PSPC1: variants seen among roughly 807,000 people sequenced by gnomAD.
PSPC1 encodes the protein paraspeckle protein 1.
A neutral mutation model predicts 51.6 loss-of-function variants in PSPC1; 14 were observed. The observed-to-expected ratio is 0.27, with a 90% CI of 0.18 to 0.42. The LOEUF is 0.42. Ranked by LOEUF, PSPC1 falls within the 10% of genes least tolerant of loss-of-function variation. The probability of loss-of-function intolerance (pLI) is 1.00; values close to 1 mark genes in which losing one functional copy is unlikely to be tolerated. For missense variants in PSPC1, 406 were observed against 701.1 expected (o/e 0.58, Z 4.75); for synonymous variants, 193 against 231.9 (o/e 0.83, Z 1.53).
At position 19,782,657 on chromosome 13, in the gene PSPC1, G is replaced by A. The variant is rs762096185; in HGVS notation, c.101C>T (p.Ala34Val). The A allele has an allele frequency of 1.9e-6, 3 of 1,550,602 alleles. No homozygotes were observed. The highest frequency in any genetic ancestry group is 1.9e-4 in the Middle Eastern group (1 of 5,272). ...GGCAAGAGCGAGCGCCATGGCTGCC[G>A]CGGCCGCCGGCTCGCTCTCGCCCAC... ...SAVGESEPAA[A>V]AAMALALAGE... Residue 34 changes from alanine to valine, a missense_variant, in exon 1 of 9, where the codon GCG (alanine) becomes GTG (valine). Physicochemically the swap from Ala to Val is moderately conservative, Grantham distance 64. Around this residue, in one of 5 missense-constraint regions of PSPC1, gnomAD observed 128 missense variants for 107.1 expected, o/e 1.20. Coordinates refer to ENST00000338910, the MANE Select transcript of PSPC1 (RefSeq NM_001354909.2). The surrounding 1 kb of genome is among the most constrained non-coding windows in gnomAD (Gnocchi z 4.5).
In PSPC1 at chr13:19,683,580, C is replaced by T. The variant is rs116304870; in HGVS notation, c.1159-5757G>A. On this transcript the variant is annotated intron_variant and NMD_transcript_variant, in intron 6 of 7. Coordinates refer to the PSPC1 transcript ENST00000471658. ...CAGTCAAACTGAACAAAATCCAAAA[C>T]GTTTGAATAACTGACAGGGTAACCC... is the stretch of plus-strand genomic sequence containing the variant. Among the ~76,000 whole-genome samples, 743 of 152,208 alleles carry T rather than the reference C, an allele frequency of 4.9e-3. 6 individuals carry two copies. Among genetic ancestry groups the T allele is most frequent in the African/African-American group, 0.017 (689 of 41,530 alleles).
chr13:19,734,167 G>A (rs532307969), intron 5 of PSPC1, among the ~76,000 whole-genome samples: 52 of 152,092 alleles, frequency 3.4e-4, no homozygotes, highest in Non-Finnish European at 6.9e-4. Flanking sequence ...ATGCTTTAAT[G>A]ACCACCTTTA....
At chr13:19,780,157 C>T (rs1327638817) in intron 1 of PSPC1, among the ~76,000 whole-genome samples, 35 of 74,040 alleles carry the variant, frequency 4.7e-4, no homozygotes, top group Middle Eastern at 8.6e-3. Flanking sequence ...GCCCCCCGCC[C>T]GGCCAGCCGC....
At chr13:19,749,698 G>A (rs1297905405) in intron 4 of PSPC1, among the ~76,000 whole-genome samples, 6 of 150,318 alleles carry the variant, frequency 4.0e-5, no homozygotes, top group African/African-American at 9.8e-5. Flanking sequence ...GAGTGCAGTG[G>A]CGTGATCTCG....
At chr13:19,686,130 T>TA (rs1016601135) in intron 6 of PSPC1, among the ~76,000 whole-genome samples, 2 of 152,190 alleles carry the variant, frequency 1.3e-5, no homozygotes, top group Non-Finnish European at 2.9e-5. Flanking sequence ...AATTCCTTTC[T>TA]AAAAAATAAG....
At chr13:19,750,030 C>T (rs897624539) in intron 4 of PSPC1, among the ~76,000 whole-genome samples, 1 of 152,090 alleles carries the variant, frequency 6.6e-6, no homozygotes, top group Admixed American at 6.6e-5. Context: ...GTACGAAATA[C>T]TAGAACACAC....
intron 4 of PSPC1, among the ~76,000 whole-genome samples, chr13:19,742,445 T>C (rs1287787449): frequency 6.7e-6 from 1 of 149,928 alleles, no homozygotes; most frequent in Non-Finnish European, 1.5e-5. Flanking sequence ...CTACAAAAAA[T>C]ACAAAAATCA....
chr13:19,675,476 A>G (rs1043102772), intron 7 of PSPC1: 2 of 152,220 alleles, frequency 1.3e-5, no homozygotes, highest in African/African-American at 4.8e-5. Flanking sequence ...TCTGGAGATC[A>G]TTTTTAACCA....
At chr13:19,674,194 T>G (rs143677028), downstream of PSPC1, among the ~76,000 whole-genome samples, 639 of 152,326 alleles carry the variant, frequency 4.2e-3, 2 homozygotes, top group African/African-American at 0.015. Context: ...GCGGCAGCAC[T>G]CAAATCTAGT....
Position 19,782,737 on chromosome 13 carries a change from C to G in PSPC1, c.21G>C (p.Leu7=), listed in dbSNP as rs893336623. 1 of 1,564,678 alleles carries G rather than the reference C, an allele frequency of 6.4e-7. No individual in the cohort carries two copies. The highest frequency in any genetic ancestry group is 8.6e-7 in the Non-Finnish European group (1 of 1,168,172). The change falls in exon 1 of 9, where the codon CTG becomes CTC. Residue 7 remains leucine, a synonymous_variant. Transcript: ENST00000338910. This position sits in a 1 kb window ranked among gnomAD's most constrained non-coding sequence, Gnocchi z 4.5. MMLRGN[L]KQVRIEKNPA... is the part of the protein sequence containing the mutation. ...GGTTTTTCTCAATGCGCACTTGCTTCAGGTTTCCTCTTAACATCATCTTAC... is the reference window on the plus strand; with the variant it reads ...GGTTTTTCTCAATGCGCACTTGCTTGAGGTTTCCTCTTAACATCATCTTAC...
At chr13:19,696,499 GCACACACACACACACATACGCA>G (rs1202242405) in intron 6 of PSPC1, among the ~76,000 whole-genome samples, 3 of 147,450 alleles carry the variant, frequency 2.0e-5, no homozygotes, top group Non-Finnish European at 3.0e-5. Context: ...ACACACACAC[GCACACACACACACACATACGCA>G]CACACACACA....
In PSPC1 at chr13:19,740,740, A is replaced by G. The variant is rs559316944; in HGVS notation, c.1052+825T>C. 1.4e-4 allele frequency among the ~76,000 whole-genome samples: 21 copies of G among 152,304 alleles called. No homozygotes were observed. The South Asian group carries it at 1.7e-3, about 12-fold the overall frequency. The stretch of plus-strand genomic sequence containing the variant: ...AGGTGAGCTATCAATGTGGGTTTAT[A>G]TATCTTGAATTAACCACTCTCTCAA... On this transcript the variant is annotated intron_variant, in intron 5 of 8. Transcript: ENST00000338910.
At chr13:19,746,496 G>A (rs1468989738) in intron 4 of PSPC1, among the ~76,000 whole-genome samples, 2 of 152,124 alleles carry the variant, frequency 1.3e-5, no homozygotes, top group East Asian at 1.9e-4. Context: ...AGGCTGAGGC[G>A]GGCAGATCAC....
In PSPC1 at chr13:19,680,291, A is replaced by G. The variant is rs191336999; in HGVS notation, c.1159-2468T>C. On this transcript the variant is annotated intron_variant and NMD_transcript_variant, in intron 6 of 7. Transcript: ENST00000471658. The stretch of plus-strand genomic sequence containing the variant: ...CAGCCTCCCAAAGTGCTGGGATTAT[A>G]GGTGTGAGCCACCATGCCCGGCCCA... Among the ~76,000 whole-genome samples, 153 of 152,342 alleles carry G rather than the reference A, an allele frequency of 1.0e-3. 3 individuals are homozygous for G. In the East Asian group the frequency reaches 0.026, roughly 26 times the overall value.
At chr13:19,691,513 C>T (rs578056761) in intron 6 of PSPC1, among the ~76,000 whole-genome samples, 21 of 152,150 alleles carry the variant, frequency 1.4e-4, no homozygotes, top group African/African-American at 4.6e-4. Flanking sequence ...CAGAGTGAGA[C>T]CTTGTCTCGA....
intron 6 of PSPC1, among the ~76,000 whole-genome samples, chr13:19,725,489 A>G (rs1326602255): frequency 6.6e-6 from 1 of 152,186 alleles, no homozygotes; most frequent in Non-Finnish European, 1.5e-5. Context: ...GTCAGCAAAC[A>G]TTTCAGGTAA....
At chr13:19,712,776 T>A (rs1429314513) in intron 6 of PSPC1, among the ~76,000 whole-genome samples, 1 of 152,098 alleles carries the variant, frequency 6.6e-6, no homozygotes, top group South Asian at 2.1e-4. Flanking sequence ...TACTTAGTAA[T>A]GTTGACAATA....
intron 7 of PSPC1, among the ~76,000 whole-genome samples, chr13:19,706,076 G>A (rs1419175316): frequency 2.0e-5 from 3 of 152,160 alleles, no homozygotes; most frequent in Non-Finnish European, 4.4e-5. Context: ...TAGGGCATTT[G>A]AGACTAACAG....
chr13:19,728,816 C>T (rs1413010959), intron 6 of PSPC1, among the ~76,000 whole-genome samples: 2 of 152,104 alleles, frequency 1.3e-5, no homozygotes, highest in African/African-American at 4.8e-5. Flanking sequence ...CATTTACATA[C>T]TATTTGAAAT....
Sources: allele counts gnomAD v4.1 joint callset (sites outside exome capture counted in the v4.1 genomes callset), GRCh38; gene constraint gnomAD v4.1.1; regional missense constraint gnomAD v4.1.1; non-coding constraint Gnocchi (gnomAD v3.1); transcripts MANE v1.5; gene names NCBI Gene and HGNC (gene_info 2026-07-23, HGNC 2026-07-21).